Variants in VSIG2 observed in about 807,000 individuals in gnomAD.
VSIG2 encodes the protein V-set and immunoglobulin domain-containing protein 2.
In VSIG2, 30 loss-of-function variants were observed where a neutral mutation model predicts 29.4. The ratio of observed to expected loss-of-function variants is 1.02; its 90% CI spans 0.76 to 1.38. VSIG2 has a LOEUF of 1.38. VSIG2 is among the 40% of genes most tolerant of loss of function. The pLI is 0.00. For synonymous variants in VSIG2, 178 were observed against 174.2 expected, an observed-to-expected ratio of 1.02 and a Z score of -0.17; for missense variants, 421 against 400.8, an observed-to-expected ratio of 1.05 and a Z score of -0.43.
In VSIG2 at chr11:124,752,101, G is replaced by A. The variant is rs777365066; in HGVS notation, c.37C>T (p.Leu13=). 2 of 1,606,764 alleles carry A rather than the reference G, an allele frequency of 1.2e-6. No homozygotes were observed. The highest frequency in any genetic ancestry group is 2.2e-5 in the South Asian group (2 of 90,774). ...CCACTCAGGCACAGGAAGCCTAGCA[G>A]GGCCCCGCAGAGAAAGGGCCCCGGG... ...ELPGPFLCGA[L]LGFLCLSGLA... The change falls in exon 1 of 7, where the codon CTG becomes TTG. Residue 13 remains leucine, a synonymous_variant. Transcript: ENST00000326621.
At position 124,750,740 on chromosome 11, in the gene VSIG2, A is replaced by C; in HGVS notation, c.401T>G (p.Leu134Trp). Residue 134 changes from leucine to tryptophan, a missense_variant, in exon 3 of 7, where the codon TTG (leucine) becomes TGG (tryptophan). Transcript: ENST00000326621. ...CAGCACAGTAAGGTTGATTAGCCCC[A>C]ACCCATTGGTGTAGAAATCTGGTGG... Reference protein sequence around the residue: ...NNPPDFYTNGLGLINLTVLVP... With the variant: ...NNPPDFYTNGWGLINLTVLVP... 1 of 1,613,988 alleles carries C rather than the reference A, an allele frequency of 6.2e-7. No individual in the cohort carries two copies. The highest frequency in any genetic ancestry group is 8.5e-7 in the Non-Finnish European group (1 of 1,179,990).
At chr11:124,751,699 C>A in intron 1 of VSIG2, 119 bp from the exon 2 acceptor site, 1 of 1,149,874 alleles carries the variant, frequency 8.7e-7, no homozygotes, top group Non-Finnish European at 1.2e-6. Context: ...ACAACCCTCT[C>A]CCCTCAATCC....
chr11:124,750,071 A>C (rs982718920), intron 3 of VSIG2, among the ~76,000 whole-genome samples: 2 of 152,226 alleles, frequency 1.3e-5, no homozygotes, highest in East Asian at 3.9e-4. Context: ...ATTCTTCTTC[A>C]TGTTGAGCCA....
chr11:124,751,689 A>G, intron 1 of VSIG2, 109 bp from the exon 2 acceptor site: 1 of 1,222,752 alleles, frequency 8.2e-7, no homozygotes, highest in East Asian at 2.6e-5. Flanking sequence ...TCCCCAGAGC[A>G]CAACCCTCTC....
At chr11:124,748,571 C>T in intron 5 of VSIG2, 37 bp from the exon 6 acceptor site, 1 of 1,608,612 alleles carries the variant, frequency 6.2e-7, no homozygotes, top group Non-Finnish European at 8.5e-7. Flanking sequence ...GAATTGCAGG[C>T]TTTCCTCGGC....
intron 1 of VSIG2, 145 bp from the exon 2 acceptor site, chr11:124,751,725 A>C (rs1944089254): frequency 2.0e-6 from 2 of 988,054 alleles, no homozygotes; most frequent in Non-Finnish European, 2.9e-6. Flanking sequence ...CTCCCTTCCC[A>C]AAACCTGAGG....
intron 1 of VSIG2, 92 bp downstream of exon 1, chr11:124,751,980 CATCTG>C (rs1944091947): frequency 7.2e-7 from 1 of 1,382,830 alleles, no homozygotes; most frequent in Non-Finnish European, 9.5e-7. Context: ...ACGGCAGCCT[CATCTG>C]GCCTGGCGGG....
At chr11:124,750,176 C>A (rs952037552) in intron 3 of VSIG2, among the ~76,000 whole-genome samples, 6 of 152,262 alleles carry the variant, frequency 3.9e-5, no homozygotes, top group Non-Finnish European at 4.4e-5. Flanking sequence ...CATGACAGCC[C>A]TTTGGATAGT....
chr11:124,752,230 C>T lies in VSIG2; in HGVS notation c.-93G>A. On this transcript the variant is annotated 5_prime_UTR_variant, in exon 1 of 7. Coordinates refer to ENST00000326621, the MANE Select transcript of VSIG2 (RefSeq NM_014312.5). Reference sequence around the variant, plus strand: ...AGGGAAGGGAGCACCCAAGGGCAGCCGCCCGGGCTGGGCAGGAGCGAGACT... The same window carrying T: ...AGGGAAGGGAGCACCCAAGGGCAGCTGCCCGGGCTGGGCAGGAGCGAGACT... The T allele has an allele frequency of 3.0e-6, 4 of 1,352,740 alleles. No homozygotes were observed. Among genetic ancestry groups the T allele is most frequent in the Non-Finnish European group, 3.9e-6 (4 of 1,016,782 alleles). 83.8% of individuals were successfully genotyped at this position (1,352,740 alleles called of 1,614,324 possible). A position where few individuals can be genotyped will look rare whatever the true frequency, so the allele number is the denominator to read the frequency against.
chr11:124,751,507 G>T lies in VSIG2; in HGVS notation c.135C>A (p.Cys45Ter). The T allele has an allele frequency of 6.2e-7, 1 of 1,612,976 alleles. No homozygotes were observed. The highest frequency in any genetic ancestry group is 8.5e-7 in the Non-Finnish European group (1 of 1,179,990). Residue 45 changes from cysteine to a stop codon, truncating the protein, a stop_gained, in exon 2 of 7, where the codon TGC becomes TGA. Coordinates refer to ENST00000326621, the MANE Select transcript of VSIG2 (RefSeq NM_014312.5). LOFTEE classifies it high-confidence loss of function. The stretch of plus-strand genomic sequence containing the variant: ...TGTCTCCCACCGACGTGCTGTAGGT[G>T]CAGGTCAGCTCGGCTGTCTTCCCCA... The part of the protein sequence containing the change: ...TPLGKTAELT[C>*]TYSTSVGDSF...
intron 4 of VSIG2, among the ~76,000 whole-genome samples, 198 bp downstream of exon 4, chr11:124,749,510 C>T (rs1035389658): frequency 2.6e-5 from 4 of 152,062 alleles, no homozygotes; most frequent in Non-Finnish European, 5.9e-5. Context: ...TGAGAAATAC[C>T]CCCAGGATCA....
Position 124,747,976 on chromosome 11 carries a change from C to T in VSIG2, c.852-309G>A, listed in dbSNP as rs1944033485. The T allele has an allele frequency of 8.1e-6, 3 of 371,406 alleles. No individual in the cohort carries two copies. In the South Asian group the frequency reaches 1.2e-4, roughly 15 times the overall value. 23.0% of individuals were successfully genotyped at this position (371,406 alleles called of 1,614,324 possible). Reference sequence around the variant, plus strand: ...TGGCAGCTAAAGTGGATGACAGAGGCAGTTTCCCCTCCCCTTTCCTGATTT... The same window carrying T: ...TGGCAGCTAAAGTGGATGACAGAGGTAGTTTCCCCTCCCCTTTCCTGATTT... On this transcript the variant is annotated intron_variant, in intron 6 of 6. Coordinates refer to ENST00000326621, the MANE Select transcript of VSIG2 (RefSeq NM_014312.5).
At position 124,752,182 on chromosome 11, in the gene VSIG2, C is replaced by G; in HGVS notation, c.-45G>C. On this transcript the variant is annotated 5_prime_UTR_variant, in exon 1 of 7. Transcript: ENST00000326621. ...GTCCTGCTCCTGCCAGGTGGGCGGT[C>G]AAGGTCGGTCTGGGTGTCGGGCAGG... 2 of 1,515,288 alleles carry G rather than the reference C, an allele frequency of 1.3e-6. No individual in the cohort carries two copies. The highest frequency in any genetic ancestry group is 1.8e-6 in the Non-Finnish European group (2 of 1,137,296). The allele number at this position is 1,515,288 out of a possible 1,614,324, so 93.9% of individuals were successfully genotyped here.
Position 124,751,468 on chromosome 11 carries a change from C to A in VSIG2, c.174G>T (p.Glu58Asp), listed in dbSNP as rs752502241. The change falls in exon 2 of 7, where the codon GAG becomes GAT. Residue 58 changes from glutamate (E) to aspartate (D), a missense_variant. Physicochemically the swap from Glu to Asp is conservative, Grantham distance 45. Transcript: ENST00000326621. Reference protein sequence around the residue: ...STSVGDSFALEWSFVQPGKPI... With the variant: ...STSVGDSFALDWSFVQPGKPI... ...GTTTCCCAGGCTGCACAAAGCTCCA[C>A]TCCAGGGCGAAGCTGTCTCCCACCG... is the stretch of plus-strand genomic sequence containing the variant. 1.3e-5 allele frequency: 21 copies of A among 1,613,070 alleles called. No homozygotes were observed. Among genetic ancestry groups the A allele is most frequent in the Admixed American group, 1.7e-5 (1 of 60,014 alleles).
At chr11:124,750,676 A>C (rs779079086) in intron 3 of VSIG2, 38 bp downstream of exon 3, 12 of 1,602,878 alleles carry the variant, frequency 7.5e-6, no homozygotes, top group African/African-American at 1.3e-5. Context: ...CAAGTATGTG[A>C]AAGAGTATGT....
chr11:124,749,531 G>C (rs1446749645), intron 4 of VSIG2, among the ~76,000 whole-genome samples, 177 bp downstream of exon 4: 1 of 152,134 alleles, frequency 6.6e-6, no homozygotes, highest in South Asian at 2.1e-4. Flanking sequence ...TGCAGCCACA[G>C]ACTGCAGAAA....
rs747062339 is a variant in VSIG2, at chr11:124,752,118, G to C, written c.20C>G (p.Pro7Arg). The C allele has an allele frequency of 8.4e-5, 134 of 1,604,776 alleles. No individual in the cohort carries two copies. Among genetic ancestry groups the C allele is most frequent in the Non-Finnish European group, 5.1e-5 (60 of 1,178,456 alleles). The change falls in exon 1 of 7, where the codon CCC becomes CGC. Residue 7 changes from proline to arginine, a missense_variant. Pro to Arg is a moderately radical substitution (Grantham distance 103, BLOSUM62 -2). Transcript: ENST00000326621. MAELPG[P>R]FLCGALLGFL... ...GCCTAGCAGGGCCCCGCAGAGAAAGGGCCCCGGGAGCTCGGCCATGGCCGC... is the reference window on the plus strand; with the variant it reads ...GCCTAGCAGGGCCCCGCAGAGAAAGCGCCCCGGGAGCTCGGCCATGGCCGC...
intron 3 of VSIG2, 79 bp downstream of exon 3, chr11:124,750,635 C>A: frequency 6.7e-7 from 1 of 1,483,116 alleles, no homozygotes; most frequent in East Asian, 2.3e-5. Context: ...AGTCAGAAAC[C>A]AGAGATTTAG....
intron 6 of VSIG2, 118 bp from the exon 7 acceptor site, chr11:124,747,785 G>A (rs1591423961): frequency 1.7e-6 from 2 of 1,182,822 alleles, no homozygotes; most frequent in Non-Finnish European, 2.3e-6. Context: ...CGGAACTTTG[G>A]TTAAAATGAA....
Sources: gnomAD v4.1 joint callset for allele counts (sites outside exome capture counted in the v4.1 genomes callset) on GRCh38, gnomAD v4.1.1 for gene constraint, MANE v1.5 for transcripts, NCBI Gene and HGNC (gene_info 2026-07-23, HGNC 2026-07-21) for gene names.